The following FARP1 variants were observed in gnomAD, a reference collection of about 807,000 sequenced individuals.
The protein encoded by FARP1 is FERM, ARH/RhoGEF and pleckstrin domain protein 1.
A neutral mutation model predicts 128.8 loss-of-function variants in FARP1; 52 were observed. The observed-to-expected ratio is 0.40, with a 90% CI of 0.32 to 0.51. The LOEUF (loss-of-function observed/expected upper bound fraction) is 0.51, where lower values mean the gene tolerates loss of function less well. Among genes scored for constraint, FARP1 ranks in the 20% least tolerant of loss-of-function variants. The pLI is 0.45. For missense variants in FARP1, 1,333 were observed against 1,367.9 expected (o/e 0.97, Z 0.40); for synonymous variants, 580 against 551.8 (o/e 1.05, Z -0.72).
intron 6 of FARP1, among the ~76,000 whole-genome samples, chr13:98,379,239 C>A (rs1192533845): frequency 7.7e-6 from 1 of 130,010 alleles, no homozygotes; most frequent in Non-Finnish European, 1.6e-5. Flanking sequence ...TATATATAAT[C>A]TATATATAAT....
chr13:98,324,225 A>G (rs140792680), intron 2 of FARP1, among the ~76,000 whole-genome samples: 1 of 152,354 alleles, frequency 6.6e-6, no homozygotes, highest in African/African-American at 2.4e-5. Flanking sequence ...AGAAAAACAA[A>G]GGTCAAGTTA....
At chr13:98,333,694 G>A (rs998867770) in intron 2 of FARP1, 4 of 152,212 alleles carry the variant, frequency 2.6e-5, no homozygotes, top group African/African-American at 9.7e-5. Flanking sequence ...GAGACAGTGT[G>A]TCCTCAGGGG....
Position 98,448,252 on chromosome 13 carries a change from C to G in FARP1, c.3073C>G (p.Arg1025Gly). The change falls in exon 27 of 27, where the codon CGC (arginine) becomes GGC (glycine). Residue 1025 changes from arginine (R) to glycine (G), a missense_variant. Physicochemically the swap from Arg to Gly is moderately radical, Grantham distance 125. This residue lies in a region of FARP1 where 1,009 missense variants were observed against 969.8 expected (regional missense o/e 1.04). Transcript: ENST00000319562. ...GTGTTGCAGGTGGATGGAAGTGATC[C>G]GCAGTGCCACCAGCTCTGCCTCGCG... is the stretch of plus-strand genomic sequence containing the variant. ...YTFERWMEVI[R>G]SATSSASRPH... 1 of 1,613,852 alleles carries G rather than the reference C, an allele frequency of 6.2e-7. No homozygotes were observed.
chr13:98,188,497 G>T (rs557415128), intron 1 of FARP1, among the ~76,000 whole-genome samples: 1 of 152,274 alleles, frequency 6.6e-6, no homozygotes, highest in Non-Finnish European at 1.5e-5. Context: ...GGAGGTGGAG[G>T]TTGCAGTGAG....
At chr13:98,443,565 A>G (rs1892619364) in intron 24 of FARP1, among the ~76,000 whole-genome samples, 1 of 150,698 alleles carries the variant, frequency 6.6e-6, no homozygotes, top group Non-Finnish European at 1.5e-5. Flanking sequence ...CCCAGTTCCC[A>G]CTCCCGTCTG....
chr13:98,417,455 G>GAAAAAAAAAAAAAAAAAAAAAAAAA (rs869304302), intron 16 of FARP1, among the ~76,000 whole-genome samples: 1 of 58,454 alleles, frequency 1.7e-5, no homozygotes, highest in Non-Finnish European at 3.3e-5. Context: ...CCAGAGGTTT[G>GAAAAAAAAAAAAAAAAAAAAAAAAA]AAAAAAAAAA....
At chr13:98,382,832 T>C (rs769327478) in intron 6 of FARP1, among the ~76,000 whole-genome samples, 1 of 152,196 alleles carries the variant, frequency 6.6e-6, no homozygotes, top group Non-Finnish European at 1.5e-5. Context: ...TTTCACTGTT[T>C]AAAGCAGTCC....
At chr13:98,145,588 G>A (rs1875475838) in intron 1 of FARP1, among the ~76,000 whole-genome samples, 1 of 152,098 alleles carries the variant, frequency 6.6e-6, no homozygotes, top group African/African-American at 2.4e-5. Flanking sequence ...CTGTCCAAGG[G>A]GGCTGGGCAT....
At chr13:98,243,544 A>G (rs1412396173) in intron 2 of FARP1, among the ~76,000 whole-genome samples, 1 of 151,872 alleles carries the variant, frequency 6.6e-6, no homozygotes, top group Non-Finnish European at 1.5e-5. Context: ...AAATAAAAAA[A>G]AAAATTAGCC....
chr13:98,267,687 A>G (rs917244526), intron 2 of FARP1, among the ~76,000 whole-genome samples: 1 of 152,260 alleles, frequency 6.6e-6, no homozygotes, highest in African/African-American at 2.4e-5. Context: ...GAATCCAGAC[A>G]GTGTATGTCC....
intron 1 of FARP1, among the ~76,000 whole-genome samples, chr13:98,207,342 A>C (rs892966860): frequency 3.9e-5 from 6 of 152,170 alleles, no homozygotes; most frequent in African/African-American, 1.4e-4. Flanking sequence ...TTAAATTTTT[A>C]AATGCCAAGG....
At chr13:98,358,219 C>T (rs965755642) in intron 3 of FARP1, among the ~76,000 whole-genome samples, 4 of 151,956 alleles carry the variant, frequency 2.6e-5, no homozygotes, top group Non-Finnish European at 5.9e-5. Flanking sequence ...TGAACTCTCC[C>T]CTCCATCTCT....
At chr13:98,393,572 T>C (rs1890393495) in intron 11 of FARP1, 71 bp from the exon 12 acceptor site, 1 of 1,261,536 alleles carries the variant, frequency 7.9e-7, no homozygotes, top group Non-Finnish European at 1.2e-6. Flanking sequence ...GGACTTTTGT[T>C]TCATTTAAAA....
intron 19 of FARP1, among the ~76,000 whole-genome samples, chr13:98,436,747 TG>T (rs959992583): frequency 6.6e-6 from 1 of 152,236 alleles, no homozygotes; most frequent in Non-Finnish European, 1.5e-5. Context: ...TCAGCTCTGC[TG>T]GTGACAAGAT....
At chr13:98,216,889 C>T (rs142717143) in intron 2 of FARP1, among the ~76,000 whole-genome samples, 132 of 152,172 alleles carry the variant, frequency 8.7e-4, no homozygotes, top group African/African-American at 3.1e-3. Flanking sequence ...GGTGTTTTTT[C>T]ATCTTTATGT....
At chr13:98,213,449 G>T (rs1182808655) in intron 2 of FARP1, 36 bp downstream of exon 2, 1 of 1,600,904 alleles carries the variant, frequency 6.2e-7, no homozygotes, top group Non-Finnish European at 8.5e-7. Flanking sequence ...CAGGAGTGTG[G>T]TAGGGGACAG....
At chr13:98,393,046 C>G (rs114352522) in intron 11 of FARP1, among the ~76,000 whole-genome samples, 2,246 of 152,174 alleles carry the variant, frequency 0.015, 50 homozygotes, top group African/African-American at 0.046. Flanking sequence ...AGGACCTGAG[C>G]ATTTCAGTGC....
chr13:98,186,110 C>CT (rs895867928), intron 1 of FARP1, among the ~76,000 whole-genome samples: 5 of 150,858 alleles, frequency 3.3e-5, no homozygotes, highest in South Asian at 2.1e-4. Context: ...TTTTTCTTTT[C>CT]TTTTTTTTTG....
chr13:98,265,097 G>A (rs1377690029), intron 2 of FARP1, among the ~76,000 whole-genome samples: 10 of 152,114 alleles, frequency 6.6e-5, no homozygotes, highest in South Asian at 6.2e-4. Flanking sequence ...ACTAGTGCTC[G>A]TAAAGTGTTT....
Sources: allele counts gnomAD v4.1 joint callset (sites outside exome capture counted in the v4.1 genomes callset), GRCh38; gene constraint gnomAD v4.1.1; regional missense constraint gnomAD v4.1.1; transcripts MANE v1.5; gene names NCBI Gene and HGNC (gene_info 2026-07-23, HGNC 2026-07-21).